The following PDE4D variants were observed in gnomAD, a reference collection of about 807,000 sequenced individuals.
PDE4D encodes 3',5'-cyclic-AMP phosphodiesterase 4D.
A neutral mutation model predicts 87.4 loss-of-function variants in PDE4D; 24 were observed. The observed-to-expected ratio is 0.27, with a 90% CI of 0.20 to 0.39. The LOEUF is 0.39. PDE4D is among the 10% of genes least tolerant of loss of function. The probability of loss-of-function intolerance (pLI) is 1.00; values close to 1 mark genes in which losing one functional copy is unlikely to be tolerated. For missense variants in PDE4D, 714 were observed against 1,041.0 expected, an observed-to-expected ratio of 0.69 and a Z score of 4.32; for synonymous variants, 384 against 383.2, an observed-to-expected ratio of 1.00 and a Z score of -0.02.
chr5:59,683,614 C>A (rs1749389072), intron 1 of PDE4D, among the ~76,000 whole-genome samples: 1 of 152,056 alleles, frequency 6.6e-6, no homozygotes, highest in Non-Finnish European at 1.5e-5. Context: ...AAATATATAT[C>A]GAGCAGAAAA....
Position 59,102,136 on chromosome 5 carries a change from G to A in PDE4D, c.809-63165C>T, listed in dbSNP as rs141729499. On this transcript the variant is annotated intron_variant, in intron 5 of 14. Coordinates refer to ENST00000340635, the MANE Select transcript of PDE4D (RefSeq NM_001104631.2). ...ACTTTTGCTCTTGTTGCCCAGGCTGGAGTGCAATGGTATGATCTCGGCTTA... is the reference window on the plus strand; with the variant it reads ...ACTTTTGCTCTTGTTGCCCAGGCTGAAGTGCAATGGTATGATCTCGGCTTA... Among the ~76,000 whole-genome samples, 448 of 146,952 alleles carry A rather than the reference G, an allele frequency of 3.0e-3. 5 individuals are homozygous for A. In the East Asian group the frequency reaches 0.049, roughly 16 times the overall value.
At chr5:59,039,189 T>C in intron 5 of PDE4D, 2 of 1,320,944 alleles carry the variant, frequency 1.5e-6, no homozygotes, top group Non-Finnish European at 1.9e-6. Context: ...TCTCTCCAGC[T>C]TGGCGTCTCG....
chr5:59,226,903 A>G (rs1753895096), intron 1 of PDE4D, among the ~76,000 whole-genome samples: 1 of 152,104 alleles, frequency 6.6e-6, no homozygotes, highest in South Asian at 2.1e-4. Flanking sequence ...TGGCAATTTC[A>G]TGCAGGTGTC....
At position 60,064,918 on chromosome 5, in the gene PDE4D, C is replaced by T. The variant is rs146967341; in HGVS notation, c.43-76201G>A. On this transcript the variant is annotated intron_variant, in intron 2 of 16. Transcript: ENST00000502484. ...AGAACTGCTGTTCTATACACCTTAT[C>T]CATCACCCTATTACTGCCTTGACTG... 4.9e-3 allele frequency among the ~76,000 whole-genome samples: 742 copies of T among 152,264 alleles called. 6 individuals carry two copies. Among genetic ancestry groups the T allele is most frequent in the Middle Eastern group, 0.01 (3 of 294 alleles).
chr5:59,458,133 T>A (rs1800206412), intron 1 of PDE4D, among the ~76,000 whole-genome samples: 1 of 152,222 alleles, frequency 6.6e-6, no homozygotes, highest in African/African-American at 2.4e-5. Flanking sequence ...GTGGTTTTGA[T>A]ACATAGTGCT....
At chr5:59,649,158 A>G (rs1193747183) in intron 1 of PDE4D, among the ~76,000 whole-genome samples, 1 of 152,234 alleles carries the variant, frequency 6.6e-6, no homozygotes, top group Non-Finnish European at 1.5e-5. Context: ...TGAATGCCCA[A>G]TGTGAGGTGA....
At chr5:59,709,392 G>T (rs1753889720) in intron 1 of PDE4D, among the ~76,000 whole-genome samples, 1 of 152,068 alleles carries the variant, frequency 6.6e-6, no homozygotes, top group African/African-American at 2.4e-5. Context: ...CACTAAAATA[G>T]AATTTTCTGA....
chr5:60,183,972 A>G (rs1013384515), intron 2 of PDE4D, among the ~76,000 whole-genome samples: 1 of 152,210 alleles, frequency 6.6e-6, no homozygotes, highest in Non-Finnish European at 1.5e-5. Flanking sequence ...TCAAGAAGCT[A>G]GGAAGCAGTG....
At chr5:59,850,881 C>T (rs1222397462) in intron 1 of PDE4D, among the ~76,000 whole-genome samples, 1 of 151,902 alleles carries the variant, frequency 6.6e-6, no homozygotes, top group African/African-American at 2.4e-5. Flanking sequence ...AATCTCTTTC[C>T]TTTAGTTTTT....
At chr5:59,588,954 A>G (rs1825568526) in intron 1 of PDE4D, among the ~76,000 whole-genome samples, 1 of 152,296 alleles carries the variant, frequency 6.6e-6, no homozygotes, top group East Asian at 1.9e-4. Context: ...TAAAATTTTG[A>G]TATTATATTA....
intron 1 of PDE4D, among the ~76,000 whole-genome samples, chr5:59,801,597 C>G (rs373430580): frequency 1.3e-5 from 2 of 152,184 alleles, no homozygotes; most frequent in Admixed American, 6.5e-5. Flanking sequence ...GTTTTATTTT[C>G]CAAACCAGTG....
rs575586526 is a variant in PDE4D, at chr5:59,609,924, T to C, written c.455+283244A>G. Among the ~76,000 whole-genome samples, 4 of 152,258 alleles carry C rather than the reference T, an allele frequency of 2.6e-5. No individual in the cohort carries two copies. The South Asian group carries it at 6.2e-4, about 24-fold the overall frequency. Reference sequence around the variant, plus strand: ...GTGTGGAGAACTGAAAGAACTTTTTTCACTAGATTCCTAGAATTTGAGAGC... The same window carrying C: ...GTGTGGAGAACTGAAAGAACTTTTTCCACTAGATTCCTAGAATTTGAGAGC... On this transcript the variant is annotated intron_variant, in intron 1 of 14. Coordinates refer to ENST00000340635, the MANE Select transcript of PDE4D (RefSeq NM_001104631.2).
At chr5:60,070,068 C>T (rs747941377) in intron 2 of PDE4D, among the ~76,000 whole-genome samples, 1 of 152,018 alleles carries the variant, frequency 6.6e-6, no homozygotes, top group Non-Finnish European at 1.5e-5. Context: ...TTAGTTCTAA[C>T]AGTTTCTTAA....
chr5:60,308,671 A>T (rs1754722836), intron 1 of PDE4D, among the ~76,000 whole-genome samples: 1 of 152,232 alleles, frequency 6.6e-6, no homozygotes, highest in South Asian at 2.1e-4. Flanking sequence ...TTCCACTCTA[A>T]CACAGCATGG....
At chr5:59,462,947 T>C (rs905157784) in intron 1 of PDE4D, among the ~76,000 whole-genome samples, 2 of 152,170 alleles carry the variant, frequency 1.3e-5, no homozygotes, top group African/African-American at 4.8e-5. Context: ...TCATTAAGTA[T>C]TTATTTAAAC....
intron 1 of PDE4D, among the ~76,000 whole-genome samples, chr5:60,514,848 C>T (rs1416799810): frequency 2.0e-5 from 3 of 151,634 alleles, no homozygotes; most frequent in Admixed American, 2.0e-4. Flanking sequence ...AGCAATAAAG[C>T]AAGGGGGGGA....
intron 5 of PDE4D, among the ~76,000 whole-genome samples, chr5:59,168,616 T>C (rs1393202528): frequency 6.6e-6 from 1 of 152,058 alleles, no homozygotes; most frequent in Non-Finnish European, 1.5e-5. Context: ...CCTCCACTCA[T>C]ATACATTCAG....
At chr5:59,302,919 C>A (rs534591987) in intron 1 of PDE4D, among the ~76,000 whole-genome samples, 1 of 152,272 alleles carries the variant, frequency 6.6e-6, no homozygotes, top group East Asian at 1.9e-4. Flanking sequence ...ACTGCTGGAT[C>A]AAGTGGTAGT....
At chr5:59,859,836 T>C (rs1434631665) in intron 1 of PDE4D, among the ~76,000 whole-genome samples, 1 of 152,162 alleles carries the variant, frequency 6.6e-6, no homozygotes, top group Non-Finnish European at 1.5e-5. Flanking sequence ...CTTATCAGTT[T>C]GGTTCTTTGT....
Sources: gnomAD v4.1 joint callset for allele counts (sites outside exome capture counted in the v4.1 genomes callset) on GRCh38, gnomAD v4.1.1 for gene constraint, MANE v1.5 for transcripts, NCBI Gene and HGNC (gene_info 2026-07-23, HGNC 2026-07-21) for gene names.